NLGN1: variants seen among roughly 807,000 people sequenced by gnomAD.
The protein encoded by NLGN1 is neuroligin 1.
NLGN1 carries 12 observed loss-of-function variants against 65.5 expected under a neutral mutation model. The observed-to-expected ratio is 0.18, with a 90% CI of 0.12 to 0.30. The LOEUF (loss-of-function observed/expected upper bound fraction) is 0.30. NLGN1 is among the 10% of genes least tolerant of loss of function. NLGN1 has a pLI of 1.00. For missense variants in NLGN1, 750 were observed against 1,007.1 expected (o/e 0.74, Z 3.46); for synonymous variants, 350 against 359.5 (o/e 0.97, Z 0.30).
chr3:174,203,277 T>C (rs1734825140), intron 4 of NLGN1, among the ~76,000 whole-genome samples: 1 of 152,184 alleles, frequency 6.6e-6, no homozygotes, highest in African/African-American at 2.4e-5. Context: ...ACTAAGGATT[T>C]CCTGCAAAAA....
chr3:173,442,706 A>G lies in NLGN1; in HGVS notation c.-321+7628A>G, dbSNP rs9852049. On this transcript the variant is annotated intron_variant, in intron 2 of 6. Transcript: ENST00000457714. ...TTTTGAAAGTTATTTGATTAATTCT[A>G]TTAATCAGAGGTCTGCAGGATTTGA... Among the ~76,000 whole-genome samples, 1,321 of 152,306 alleles carry G rather than the reference A, an allele frequency of 8.7e-3. 25 individuals carry two copies. The highest frequency in any genetic ancestry group is 0.03 in the African/African-American group (1,259 of 41,572).
intron 4 of NLGN1, among the ~76,000 whole-genome samples, chr3:174,226,646 C>T (rs1320518089): frequency 6.6e-6 from 1 of 152,028 alleles, no homozygotes; most frequent in Non-Finnish European, 1.5e-5. Context: ...TTGTTACTTC[C>T]TCTACTTTTT....
chr3:173,936,087 C>CTT (rs1745023660), intron 4 of NLGN1, among the ~76,000 whole-genome samples: 1 of 151,270 alleles, frequency 6.6e-6, no homozygotes, highest in Non-Finnish European at 1.5e-5. Flanking sequence ...TTATAAAGAC[C>CTT]TTTGGATTTG....
At position 174,017,203 on chromosome 3, in the gene NLGN1, T is replaced by C. The variant is rs370477740; in HGVS notation, c.646+209371T>C. Among the ~76,000 whole-genome samples, 16 of 152,168 alleles carry C rather than the reference T, an allele frequency of 1.1e-4. No homozygotes were observed. In the East Asian group the frequency reaches 2.9e-3, roughly 27 times the overall value. Reference sequence around the variant, plus strand: ...AAGCCTAGATCATGGTTTCACACAGTTGACATAATATTTAGCTTGTTTATT... The same window carrying C: ...AAGCCTAGATCATGGTTTCACACAGCTGACATAATATTTAGCTTGTTTATT... On this transcript the variant is annotated intron_variant, in intron 4 of 6. Transcript: ENST00000457714.
intron 4 of NLGN1, among the ~76,000 whole-genome samples, chr3:173,996,251 G>A (rs760458260): frequency 5.9e-5 from 9 of 152,060 alleles, no homozygotes; most frequent in East Asian, 3.9e-4. Flanking sequence ...TTAAAATTAC[G>A]TCTATTTTAA....
At chr3:174,186,237 A>C (rs2152753356) in intron 4 of NLGN1, among the ~76,000 whole-genome samples, 1 of 152,188 alleles carries the variant, frequency 6.6e-6, no homozygotes, top group Admixed American at 6.6e-5. Flanking sequence ...CCTAAAACAA[A>C]CATGACTGTC....
At chr3:174,152,938 C>T (rs1577115930) in intron 4 of NLGN1, among the ~76,000 whole-genome samples, 1 of 152,216 alleles carries the variant, frequency 6.6e-6, no homozygotes, top group East Asian at 1.9e-4. Context: ...AAAGTCTTTA[C>T]TATCTTTTCA....
intron 4 of NLGN1, among the ~76,000 whole-genome samples, chr3:173,903,543 T>C (rs1221244839): frequency 6.6e-6 from 1 of 152,208 alleles, no homozygotes; most frequent in Non-Finnish European, 1.5e-5. Context: ...TACTGCATTT[T>C]CCTATTTGTT....
chr3:173,727,204 A>C (rs943155742), intron 3 of NLGN1, among the ~76,000 whole-genome samples: 6 of 152,148 alleles, frequency 3.9e-5, no homozygotes, highest in Admixed American at 2.6e-4. Flanking sequence ...TTACTGGGGC[A>C]TAGCAAATCC....
At chr3:173,892,176 GTT>G (rs1168847577) in intron 4 of NLGN1, among the ~76,000 whole-genome samples, 5 of 134,504 alleles carry the variant, frequency 3.7e-5, no homozygotes, top group Non-Finnish European at 3.2e-5. Context: ...TATATTTAAG[GTT>G]TTTTTTTTTT....
intron 4 of NLGN1, among the ~76,000 whole-genome samples, chr3:174,168,095 T>G (rs989003243): frequency 1.3e-5 from 2 of 152,166 alleles, no homozygotes; most frequent in African/African-American, 4.8e-5. Flanking sequence ...TTTTAAGATG[T>G]TTATCTCTTC....
intron 2 of NLGN1, among the ~76,000 whole-genome samples, chr3:173,464,883 A>G (rs1301149497): frequency 6.6e-6 from 1 of 151,434 alleles, no homozygotes; most frequent in African/African-American, 2.4e-5. Context: ...TTTGTGGACT[A>G]TTTTTTTTCT....
intron 4 of NLGN1, among the ~76,000 whole-genome samples, chr3:174,097,605 T>G (rs1485569919): frequency 1.3e-5 from 2 of 152,176 alleles, no homozygotes; most frequent in Non-Finnish European, 2.9e-5. Context: ...CTAAAATTAT[T>G]TCAATTGATG....
At chr3:173,400,628 A>G (rs1202366842) in intron 1 of NLGN1, among the ~76,000 whole-genome samples, 2 of 150,630 alleles carry the variant, frequency 1.3e-5, no homozygotes, top group African/African-American at 5.0e-5. Context: ...CTTCATCATG[A>G]TGCTTCCTTC....
intron 4 of NLGN1, among the ~76,000 whole-genome samples, chr3:174,017,465 A>G (rs992550179): frequency 3.3e-5 from 5 of 152,174 alleles, no homozygotes; most frequent in African/African-American, 1.2e-4. Context: ...GTGGAATCAT[A>G]GGAATTGGTA....
At position 173,736,653 on chromosome 3, in the gene NLGN1, T is replaced by TAA. The variant is rs34507331; in HGVS notation, c.494-71018_494-71017dup. 5.8e-3 allele frequency among the ~76,000 whole-genome samples: 869 copies of TAA among 148,972 alleles called. 8 individuals carry two copies. Among genetic ancestry groups the TAA allele is most frequent in the African/African-American group, 0.02 (802 of 40,646 alleles). ...AGTATGAGAAAAGAGCCATTGCAGA[T>TAA]AAAAAAAAAATAATTTTGTCTTGGA... On this transcript the variant is annotated intron_variant, in intron 3 of 6. Transcript: ENST00000457714.
intron 4 of NLGN1, among the ~76,000 whole-genome samples, chr3:174,119,409 G>A (rs1717266644): frequency 6.6e-6 from 1 of 152,068 alleles, no homozygotes; most frequent in African/African-American, 2.4e-5. Flanking sequence ...CCACTTCAAA[G>A]TATCTCATAG....
chr3:173,464,497 G>A (rs1218144850), intron 2 of NLGN1, among the ~76,000 whole-genome samples: 12 of 149,014 alleles, frequency 8.1e-5, no homozygotes, highest in Admixed American at 3.3e-4. Context: ...GTGCAATGGC[G>A]CAATCTCGGC....
intron 3 of NLGN1, among the ~76,000 whole-genome samples, chr3:173,677,342 AG>A (rs769078321): frequency 3.8e-4 from 58 of 152,036 alleles, no homozygotes; most frequent in Admixed American, 2.6e-4. Flanking sequence ...CATCCAGGCT[AG>A]TACAGAAAAA....
Sources: gnomAD v4.1 joint callset for allele counts (sites outside exome capture counted in the v4.1 genomes callset) on GRCh38, gnomAD v4.1.1 for gene constraint, MANE v1.5 for transcripts, NCBI Gene and HGNC (gene_info 2026-07-23, HGNC 2026-07-21) for gene names.